The following PIK3C2B variants were observed in gnomAD, a reference collection of about 807,000 sequenced individuals.
PIK3C2B encodes phosphatidylinositol 4-phosphate 3-kinase C2 domain-containing subunit beta.
PIK3C2B carries 83 observed loss-of-function variants against 184.3 expected under a neutral mutation model. That is an observed-to-expected ratio of 0.45 (90% confidence interval 0.38 to 0.54). The LOEUF (loss-of-function observed/expected upper bound fraction) is 0.54, where lower values mean the gene tolerates loss of function less well. Ranked by LOEUF, PIK3C2B falls within the 20% of genes least tolerant of loss-of-function variation. PIK3C2B has a pLI of 0.00. For synonymous variants in PIK3C2B, 779 were observed against 837.6 expected (o/e 0.93, Z 1.21); for missense variants, 1,736 against 2,113.5 (o/e 0.82, Z 3.50).
Position 204,444,413 on chromosome 1 carries a change from T to A in PIK3C2B, c.2690A>T (p.Gln897Leu). The change falls in exon 17 of 33, where the codon CAG becomes CTG. Residue 897 changes from glutamine (Q) to leucine (L), a missense_variant. Transcript: ENST00000684373. ...CTGCACAGCCATACGACGCACCTCC[T>A]GGTCCGGGAAGCTGCAAAACAGAGC... ...LGLLHATFPD[Q>L]EVRRMAVQWI... is the part of the protein sequence containing the mutation. 1 of 1,613,214 alleles carries A rather than the reference T, an allele frequency of 6.2e-7. No individual in the cohort carries two copies. The highest frequency in any genetic ancestry group is 1.1e-5 in the South Asian group (1 of 90,948).
chr1:204,434,357 A>G, intron 24 of PIK3C2B, 82 bp downstream of exon 24: 1 of 1,268,436 alleles, frequency 7.9e-7, no homozygotes, highest in Non-Finnish European at 1.1e-6. Context: ...TGCTTCCATC[A>G]TGGGCTTGTG....
intron 19 of PIK3C2B, 51 bp from the exon 20 acceptor site, chr1:204,442,684 G>A (rs1390977659): frequency 1.6e-6 from 2 of 1,273,136 alleles, no homozygotes; most frequent in African/African-American, 1.5e-5. Flanking sequence ...GGTCCATACT[G>A]AGAACCAGAC....
At chr1:204,432,518 C>T (rs1262623842) in intron 26 of PIK3C2B, 117 bp from the exon 27 acceptor site, 18 of 765,326 alleles carry the variant, frequency 2.4e-5, no homozygotes, top group Non-Finnish European at 4.0e-5. Flanking sequence ...TCAGATCAAA[C>T]CATTTTCCTG....
At chr1:204,441,733 T>C (rs2942125) in intron 20 of PIK3C2B, among the ~76,000 whole-genome samples, 170 bp from the exon 21 acceptor site, 140,322 of 152,200 alleles carry the variant, frequency 0.92, 65,814 homozygotes, top group East Asian at 1. Context: ...TTCCTTCTCT[T>C]GTTAAATAGT....
Position 204,423,447 on chromosome 1 carries a change from CAAA to C in PIK3C2B, c.*1402_*1404del, listed in dbSNP as rs77919369. On this transcript the variant is annotated 3_prime_UTR_variant, in exon 33 of 33. Coordinates refer to ENST00000684373, the MANE Select transcript of PIK3C2B (RefSeq NM_001377334.1). The stretch of plus-strand genomic sequence containing the variant: ...TGGCGACAGGGCGAGACTCCGTCTC[CAAA>C]AAAAAAAAAAAAAATCCATCTGGTA... The C allele has an allele frequency of 3.8e-5, 4 of 103,986 alleles. No individual in the cohort carries two copies. Among genetic ancestry groups the C allele is most frequent in the Admixed American group, 1.0e-4 (1 of 9,994 alleles). 6.4% of individuals were successfully genotyped at this position (103,986 alleles called of 1,614,324 possible).
chr1:204,490,741 T>C (rs544943312), intron 1 of PIK3C2B, among the ~76,000 whole-genome samples: 1 of 149,448 alleles, frequency 6.7e-6, no homozygotes, highest in African/African-American at 2.5e-5. Context: ...CTAGGCAACA[T>C]AGTGAAATCC....
intron 22 of PIK3C2B, 57 bp from the exon 23 acceptor site, chr1:204,439,128 A>T: frequency 6.3e-7 from 1 of 1,577,460 alleles, no homozygotes; most frequent in South Asian, 1.1e-5. Context: ...GACTGCAGGG[A>T]GAGGACTACA....
Position 204,468,965 on chromosome 1 carries a change from T to G in PIK3C2B, c.838A>C (p.Met280Leu), listed in dbSNP as rs1268038532. The G allele has an allele frequency of 1.9e-6, 3 of 1,614,184 alleles. No homozygotes were observed. The East Asian group carries it at 6.7e-5, about 36-fold the overall frequency. The change falls in exon 2 of 33, where the codon ATG (methionine) becomes CTG (leucine). Residue 280 changes from methionine to leucine, a missense_variant. Met to Leu is a conservative substitution (Grantham distance 15). This residue lies in a region of PIK3C2B where 404 missense variants were observed against 418.0 expected (regional missense o/e 0.97). Coordinates refer to ENST00000684373, the MANE Select transcript of PIK3C2B (RefSeq NM_001377334.1). ...SGKPVARSKTMPPQVPPRTYA... is the reference protein window; with the variant it reads ...SGKPVARSKTLPPQVPPRTYA... The stretch of plus-strand genomic sequence containing the variant: ...GTGCGGGGGGGCACCTGAGGGGGCA[T>G]AGTCTTGCTCCTGGCCACGGGTTTT...
chr1:204,442,904 C>G (rs1675748301), intron 19 of PIK3C2B, among the ~76,000 whole-genome samples: 1 of 152,246 alleles, frequency 6.6e-6, no homozygotes, highest in South Asian at 2.1e-4. Flanking sequence ...CAGGCTGTCT[C>G]TCAAGGGGGA....
At chr1:204,434,054 C>G in intron 24 of PIK3C2B, 105 bp from the exon 25 acceptor site, 1 of 878,066 alleles carries the variant, frequency 1.1e-6, no homozygotes, top group Non-Finnish European at 1.8e-6. Flanking sequence ...CACGTGGACA[C>G]ACTGGATAGA....
At chr1:204,460,220 C>G in intron 7 of PIK3C2B, 104 bp downstream of exon 7, 3 of 939,430 alleles carry the variant, frequency 3.2e-6, no homozygotes, top group Admixed American at 3.9e-5. Context: ...CCCCTGACAC[C>G]TGCAAGAATC....
rs1350988901 is a variant in PIK3C2B at position 204,447,087 on chromosome 1, G to A, written c.2489+349C>T. On this transcript the variant is annotated intron_variant, in intron 15 of 32. Coordinates refer to ENST00000684373, the MANE Select transcript of PIK3C2B (RefSeq NM_001377334.1). This position sits in a 1 kb window ranked among gnomAD's most constrained non-coding sequence, Gnocchi z 4.1. ...TGTTGGTGTGGAAGGGGCAGGAGGT[G>A]AGAGCAAGAGGTGGGGGCAGGGTGG... is the stretch of plus-strand genomic sequence containing the variant. 3.3e-5 allele frequency among the ~76,000 whole-genome samples: 5 copies of A among 150,984 alleles called. No individual in the cohort carries two copies. The highest frequency in any genetic ancestry group is 4.2e-4 in the South Asian group (2 of 4,714).
At chr1:204,456,325 G>A in intron 10 of PIK3C2B, 1 of 323,674 alleles carries the variant, frequency 3.1e-6, no homozygotes, top group Non-Finnish European at 5.6e-6. Flanking sequence ...CTTTCTTTTA[G>A]GAAACAGTGT....
chr1:204,428,847 T>C, intron 29 of PIK3C2B: 1 of 439,476 alleles, frequency 2.3e-6, no homozygotes, highest in African/African-American at 2.0e-5. Flanking sequence ...TGTTAAGTGT[T>C]TAGGTGATGG....
chr1:204,440,292 T>TA lies in PIK3C2B; in HGVS notation c.3278dup (p.Thr1094AsnfsTer41). On this transcript the variant is annotated frameshift_variant, in exon 22 of 33. Transcript: ENST00000684373. LOFTEE classifies it high-confidence loss of function. Reference sequence around the variant, plus strand: ...TCATGATGCGAATCATCTGCAGCGTTAGCATGTCCTGGCGAAGGTCGTCCC... The same window carrying TA: ...TCATGATGCGAATCATCTGCAGCGTTAAGCATGTCCTGGCGAAGGTCGTCCC... 6.2e-7 allele frequency: 1 copy of TA among 1,606,044 alleles called. No homozygotes were observed. Among genetic ancestry groups the TA allele is most frequent in the Non-Finnish European group, 8.5e-7 (1 of 1,175,890 alleles).
chr1:204,427,776 TGAAGGGTCAA>T, intron 30 of PIK3C2B, 22 bp from the exon 31 acceptor site: 1 of 1,559,258 alleles, frequency 6.4e-7, no homozygotes, highest in Non-Finnish European at 8.8e-7. Flanking sequence ...AATGAAACCA[TGAAGGGTCAA>T]GAGGCCAGGC....
intron 1 of PIK3C2B, among the ~76,000 whole-genome samples, chr1:204,478,003 C>T (rs1445376553): frequency 1.3e-5 from 2 of 152,126 alleles, no homozygotes; most frequent in Non-Finnish European, 2.9e-5. Flanking sequence ...AAATGGAAAG[C>T]TCTCAAGCAA....
At chr1:204,493,304 G>A (rs1269759348) in intron 1 of PIK3C2B, among the ~76,000 whole-genome samples, 4 of 152,102 alleles carry the variant, frequency 2.6e-5, no homozygotes, top group Admixed American at 1.3e-4. Flanking sequence ...CCGGGTAGCC[G>A]CCTGCTAAAG....
intron 12 of PIK3C2B, among the ~76,000 whole-genome samples, chr1:204,452,140 C>T (rs949336101): frequency 1.3e-5 from 2 of 152,070 alleles, no homozygotes; most frequent in Non-Finnish European, 2.9e-5. Flanking sequence ...GGGGACTGCC[C>T]CTTTAAAATT....
Sources: gnomAD v4.1 joint callset for allele counts (sites outside exome capture counted in the v4.1 genomes callset) on GRCh38, gnomAD v4.1.1 for gene constraint, gnomAD v4.1.1 regional missense constraint, Gnocchi (gnomAD v3.1) non-coding constraint, MANE v1.5 for transcripts, NCBI Gene and HGNC (gene_info 2026-07-23, HGNC 2026-07-21) for gene names.